EXOC5: variants seen among roughly 807,000 people sequenced by gnomAD.
EXOC5 encodes the protein exocyst complex component 5.
Under a neutral mutation model 90.8 loss-of-function variants are expected in EXOC5, and 17 were observed. The observed-to-expected ratio is 0.19, with a 90% confidence interval of 0.13 to 0.28. EXOC5 has a LOEUF of 0.28. EXOC5 is among the 10% of genes least tolerant of loss of function. EXOC5 has a pLI of 1.00. For missense variants in EXOC5, 569 were observed against 830.6 expected, an observed-to-expected ratio of 0.69 and a Z score of 3.87; for synonymous variants, 260 against 270.0, an observed-to-expected ratio of 0.96 and a Z score of 0.36.
At chr14:57,254,312 G>A (rs1350711769) in intron 1 of EXOC5, among the ~76,000 whole-genome samples, 1 of 152,020 alleles carries the variant, frequency 6.6e-6, no homozygotes, top group African/African-American at 2.4e-5. Context: ...GCGAGTGCCT[G>A]TAGTCCCAGC....
rs1275117937 is a variant in EXOC5, at chr14:57,208,138, C to G, written c.*471G>C. ...ATTATTTACGAAAACCTAAAATAAT[C>G]TGATTAACAATTGATGCTGAAAAGG... is the stretch of plus-strand genomic sequence containing the variant. On this transcript the variant is annotated 3_prime_UTR_variant, in exon 18 of 18. Transcript: ENST00000621441. The G allele has an allele frequency of 2.0e-5, 3 of 152,580 alleles. No homozygotes were observed. The highest frequency in any genetic ancestry group is 4.8e-5 in the African/African-American group (2 of 41,440). The allele number at this position is 152,580 out of a possible 1,614,324, so 9.5% of individuals were successfully genotyped here. A position where few individuals can be genotyped will look rare whatever the true frequency, so the allele number is the denominator to read the frequency against.
chr14:57,204,192 C>A lies in EXOC5; in HGVS notation c.*4417G>T, dbSNP rs1009237890. 2 of 152,068 alleles carry A rather than the reference C, an allele frequency of 1.3e-5. No homozygotes were observed. Among genetic ancestry groups the A allele is most frequent in the African/African-American group, 4.8e-5 (2 of 41,420 alleles). 9.4% of individuals were successfully genotyped at this position (152,068 alleles called of 1,614,324 possible). A position where few individuals can be genotyped will look rare whatever the true frequency, so the allele number is the denominator to read the frequency against. Reference sequence around the variant, plus strand: ...ATAATAATGATAAAATACCTCGGGTCTAGTTCAAAAATAGGAATTTTGTTA... The same window carrying A: ...ATAATAATGATAAAATACCTCGGGTATAGTTCAAAAATAGGAATTTTGTTA... On this transcript the variant is annotated 3_prime_UTR_variant, in exon 18 of 18. Transcript: ENST00000621441.
intron 7 of EXOC5, 132 bp from the exon 8 acceptor site, chr14:57,234,164 T>C: frequency 1.6e-6 from 1 of 615,762 alleles, no homozygotes; most frequent in Non-Finnish European, 2.8e-6. Flanking sequence ...CCTGTTGGAC[T>C]TAAATAAAAT....
chr14:57,234,531 GTGTGTGTATATATATATATA>G (rs1363046152), intron 7 of EXOC5, among the ~76,000 whole-genome samples: 1 of 147,320 alleles, frequency 6.8e-6, no homozygotes, highest in Non-Finnish European at 1.5e-5. Context: ...GTGTGTGTGT[GTGTGTGTATATATATATATA>G]TGTGTATATA....
At chr14:57,212,247 T>C (rs1324093060) in intron 15 of EXOC5, among the ~76,000 whole-genome samples, 4 of 152,112 alleles carry the variant, frequency 2.6e-5, no homozygotes, top group South Asian at 4.1e-4. Flanking sequence ...TGGGAAAGAG[T>C]ATGACACGAA....
In EXOC5 at chr14:57,201,676, G is replaced by C. The variant is rs538947272; in HGVS notation, c.*6933C>G. 6.6e-6 allele frequency: 1 copy of C among 150,438 alleles called. No homozygotes were observed. Among genetic ancestry groups the C allele is most frequent in the Non-Finnish European group, 1.5e-5 (1 of 67,740 alleles). The allele number at this position is 150,438 out of a possible 1,614,324, so 9.3% of individuals were successfully genotyped here. On this transcript the variant is annotated 3_prime_UTR_variant, in exon 18 of 18. Transcript: ENST00000621441. Reference sequence around the variant, plus strand: ...GAGGTGGGCAGATCACTTAAGGCTAGGAGTTTGACACCAGCCTGACCAACA... The same window carrying C: ...GAGGTGGGCAGATCACTTAAGGCTACGAGTTTGACACCAGCCTGACCAACA...
intron 12 of EXOC5, among the ~76,000 whole-genome samples, chr14:57,225,069 A>T (rs1051463089): frequency 2.0e-5 from 3 of 152,176 alleles, no homozygotes; most frequent in African/African-American, 7.2e-5. Flanking sequence ...CTCCAAAAAA[A>T]AAAGGCCAAT....
Position 57,231,507 on chromosome 14 carries a change from C to G in EXOC5, c.1147G>C (p.Gly383Arg). Residue 383 changes from glycine (G) to arginine (R), a missense_variant and splice_region_variant, in exon 11 of 18, where the codon GGT becomes CGT. This residue lies in a region of EXOC5 where 69 missense variants were observed against 115.5 expected (regional missense o/e 0.60). Coordinates refer to ENST00000621441, the MANE Select transcript of EXOC5 (RefSeq NM_006544.4). ...NHQKRSIGTGGIQDLKERIRQ... is the reference protein window; with the variant it reads ...NHQKRSIGTGRIQDLKERIRQ... ...GAAGTATTTAACAAAAATACTCACC[C>G]TCCTGTGCCAATGGATCTCTTTTGA... The G allele has an allele frequency of 3.1e-6, 5 of 1,603,878 alleles. No homozygotes were observed. The highest frequency in any genetic ancestry group is 4.3e-6 in the Non-Finnish European group (5 of 1,175,444).
intron 4 of EXOC5, among the ~76,000 whole-genome samples, chr14:57,243,804 G>T (rs1301683725): frequency 6.6e-6 from 1 of 151,814 alleles, no homozygotes; most frequent in Non-Finnish European, 1.5e-5. Flanking sequence ...AATGATTTAG[G>T]TCAGACCACC....
intron 12 of EXOC5, among the ~76,000 whole-genome samples, chr14:57,228,981 C>A (rs939135288): frequency 6.6e-6 from 1 of 151,714 alleles, no homozygotes; most frequent in Non-Finnish European, 1.5e-5. Context: ...TCTGACTTAT[C>A]TGTTTATTTT....
In EXOC5 at chr14:57,210,189, T is replaced by C; in HGVS notation, c.1614-128A>G. On this transcript the variant is annotated intron_variant, in intron 15 of 17. Coordinates refer to ENST00000621441, the MANE Select transcript of EXOC5 (RefSeq NM_006544.4). ...TATCACCATGAAACTCTTTTACTAT[T>C]GGTAAACTTTAGATATTAGAAAAAG... The C allele has an allele frequency of 1.3e-5, 7 of 544,624 alleles. No homozygotes were observed. The South Asian group carries it at 1.9e-4, about 15-fold the overall frequency. 33.7% of individuals were successfully genotyped at this position (544,624 alleles called of 1,614,324 possible). A position where few individuals can be genotyped will look rare whatever the true frequency, so the allele number is the denominator to read the frequency against.
At chr14:57,261,802 G>C (rs1055954088) in intron 1 of EXOC5, among the ~76,000 whole-genome samples, 1 of 152,180 alleles carries the variant, frequency 6.6e-6, no homozygotes, top group Non-Finnish European at 1.5e-5. Context: ...AAAGGGCCTT[G>C]GTTCTTTCAA....
Position 57,201,362 on chromosome 14 carries a change from T to C in EXOC5, c.*7247A>G, listed in dbSNP as rs1716928201. On this transcript the variant is annotated 3_prime_UTR_variant, in exon 18 of 18. Coordinates refer to ENST00000621441, the MANE Select transcript of EXOC5 (RefSeq NM_006544.4). Reference sequence around the variant, plus strand: ...TGAGATTTGGTAAAATGACAGATTATAATTAGTTGAACAGAAAACTATGAA... The same window carrying C: ...TGAGATTTGGTAAAATGACAGATTACAATTAGTTGAACAGAAAACTATGAA... 6.6e-6 allele frequency: 1 copy of C among 151,216 alleles called. No individual in the cohort carries two copies. Among genetic ancestry groups the C allele is most frequent in the African/African-American group, 2.4e-5 (1 of 41,214 alleles). 9.4% of individuals were successfully genotyped at this position (151,216 alleles called of 1,614,324 possible). A position where few individuals can be genotyped will look rare whatever the true frequency, so the allele number is the denominator to read the frequency against.
chr14:57,243,260 CCTTTT>C (rs1883926386), intron 4 of EXOC5: 1 of 152,090 alleles, frequency 6.6e-6, no homozygotes, highest in Non-Finnish European at 1.5e-5. Context: ...TTCAAAAACA[CCTTTT>C]CTTTAGAGGA....
chr14:57,238,364 A>ATG (rs2065922885), intron 5 of EXOC5, among the ~76,000 whole-genome samples: 2 of 96,566 alleles, frequency 2.1e-5, no homozygotes, highest in Non-Finnish European at 4.6e-5. Flanking sequence ...ATATATATAT[A>ATG]TATATATATA....
intron 17 of EXOC5, 105 bp downstream of exon 17, chr14:57,209,462 A>T: frequency 1.6e-6 from 1 of 621,788 alleles, no homozygotes. Flanking sequence ...CAATATCAAC[A>T]AAAGTTATAA....
chr14:57,268,827 C>G lies in EXOC5; in HGVS notation c.-179G>C, dbSNP rs945802801. ...CGGGAGAGCGGCCATGAAGCGAAGC[C>G]GCAAACGCTTGTCAGCTGCCTCCCG... is the stretch of plus-strand genomic sequence containing the variant. On this transcript the variant is annotated 5_prime_UTR_variant, in exon 1 of 18. Coordinates refer to ENST00000621441, the MANE Select transcript of EXOC5 (RefSeq NM_006544.4). 7.2e-7 allele frequency: 1 copy of G among 1,383,394 alleles called. No individual in the cohort carries two copies. The highest frequency in any genetic ancestry group is 9.3e-7 in the Non-Finnish European group (1 of 1,071,642). 85.7% of individuals were successfully genotyped at this position (1,383,394 alleles called of 1,614,324 possible). A position where few individuals can be genotyped will look rare whatever the true frequency, so the allele number is the denominator to read the frequency against.
intron 11 of EXOC5, among the ~76,000 whole-genome samples, chr14:57,230,712 A>C (rs7155721): frequency 0.22 from 34,187 of 152,070 alleles, 5,549 homozygotes; most frequent in African/African-American, 0.47. Context: ...TCTTGGAGCA[A>C]GTTATTTTCT....
Position 57,202,607 on chromosome 14 carries a change from A to G in EXOC5, c.*6002T>C, listed in dbSNP as rs1882540327. 6.6e-6 allele frequency: 1 copy of G among 152,222 alleles called. No homozygotes were observed. The highest frequency in any genetic ancestry group is 1.5e-5 in the Non-Finnish European group (1 of 68,038). 9.4% of individuals were successfully genotyped at this position (152,222 alleles called of 1,614,324 possible). ...TCAGTAGATTCTTATTAGAGTTGAT[A>G]AAGGAATTCAATGTGATATATAACT... On this transcript the variant is annotated 3_prime_UTR_variant, in exon 18 of 18. Transcript: ENST00000621441.
Sources: gnomAD v4.1 joint callset for allele counts (sites outside exome capture counted in the v4.1 genomes callset) on GRCh38, gnomAD v4.1.1 for gene constraint, gnomAD v4.1.1 regional missense constraint, MANE v1.5 for transcripts, NCBI Gene and HGNC (gene_info 2026-07-23, HGNC 2026-07-21) for gene names.